Variants in APC2 observed in about 807,000 individuals in gnomAD.
APC2 encodes the protein adenomatous polyposis coli protein 2.
Under a neutral mutation model 72.5 loss-of-function variants are expected in APC2, and 41 were observed. The ratio of observed to expected loss-of-function variants is 0.57; its 90% CI spans 0.44 to 0.73. The LOEUF (loss-of-function observed/expected upper bound fraction) is 0.73, where lower values mean the gene tolerates loss of function less well. Ranked by LOEUF, APC2 falls within the 30% of genes least tolerant of loss-of-function variation. The pLI is 0.00. For synonymous variants in APC2, 1,898 were observed against 1,612.0 expected (o/e 1.18, Z -4.25); for missense variants, 3,729 against 3,403.4 (o/e 1.10, Z -2.38).
rs767618250 is a variant in APC2 at position 1,468,298 on chromosome 19, G to A, written c.4997G>A (p.Arg1666Gln). 3.2e-6 allele frequency: 5 copies of A among 1,541,100 alleles called. No homozygotes were observed. In the Admixed American group the frequency reaches 7.8e-5, roughly 24 times the overall value. The change falls in exon 15 of 15, where the codon CGG becomes CAG. Residue 1666 changes from arginine to glutamine, a missense_variant. Physicochemically the swap from Arg to Gln is conservative, Grantham distance 43. Transcript: ENST00000590469. Reference protein sequence around the residue: ...RLDERPAEGSRERGEEAAGSD... With the variant: ...RLDERPAEGSQERGEEAAGSD... ...GATGAGCGGCCCGCAGAGGGGTCCC[G>A]GGAACGCGGCGAGGAGGCAGCGGGC...
Position 1,469,928 on chromosome 19 carries a change from G to C in APC2, c.6627G>C (p.Leu2209=). 6.6e-7 allele frequency: 1 copy of C among 1,515,996 alleles called. No homozygotes were observed. The highest frequency in any genetic ancestry group is 8.8e-7 in the Non-Finnish European group (1 of 1,138,482). The allele number at this position is 1,515,996 out of a possible 1,614,324, so 93.9% of individuals were successfully genotyped here. The change falls in exon 15 of 15, where the codon CTG becomes CTC. Residue 2209 remains leucine (L), a synonymous_variant. Transcript: ENST00000590469. The part of the protein sequence containing the change: ...PKTNSSTSPS[L]ETREPPGAPA... ...CCAACTCCAGCACGTCCCCGAGCCT[G>C]GAGACCAGGGAGCCCCCCGGGGCCC...
intron 9 of APC2, 67 bp from the exon 10 acceptor site, chr19:1,457,898 G>GGGGGGGGGCC: frequency 7.0e-7 from 1 of 1,432,322 alleles, no homozygotes; most frequent in Non-Finnish European, 9.4e-7. Context: ...CGGGTTGCGG[G>GGGGGGGGGCC]ACCTTCGGGA....
In APC2 at chr19:1,466,967, T is replaced by C; in HGVS notation, c.3666T>C (p.Gly1222=). 3.1e-6 allele frequency: 5 copies of C among 1,605,388 alleles called. No homozygotes were observed. Among genetic ancestry groups the C allele is most frequent in the Non-Finnish European group, 4.2e-6 (5 of 1,176,624 alleles). Residue 1222 remains glycine (G), a synonymous_variant, in exon 15 of 15, where the codon GGT becomes GGC. Transcript: ENST00000590469. ...CACCGCTGGCGCCCGCGCCACAGGGTCCCCCCGAGGCCACCCAGTTCAGCC... is the reference window on the plus strand; with the variant it reads ...CACCGCTGGCGCCCGCGCCACAGGGCCCCCCCGAGGCCACCCAGTTCAGCC... ...KTPPLAPAPQ[G]PPEATQFSLQ...
In APC2 at chr19:1,468,652, T is replaced by A; in HGVS notation, c.5351T>A (p.Val1784Glu). 1 of 1,588,166 alleles carries A rather than the reference T, an allele frequency of 6.3e-7. No homozygotes were observed. The highest frequency in any genetic ancestry group is 8.6e-7 in the Non-Finnish European group (1 of 1,165,930). ...PRGTQKTTPG[V>E]PAVLRGRTVI... ...GGCACACAGAAGACCACGCCCGGGGTGCCAGCTGTGCTCCGGGGACGAACA... is the reference window on the plus strand; with the variant it reads ...GGCACACAGAAGACCACGCCCGGGGAGCCAGCTGTGCTCCGGGGACGAACA... Residue 1784 changes from valine (V) to glutamate (E), a missense_variant, in exon 15 of 15, where the codon GTG becomes GAG. Coordinates refer to ENST00000590469, the MANE Select transcript of APC2 (RefSeq NM_005883.3).
chr19:1,456,446 G>C (rs1267343590), intron 8 of APC2, 42 bp downstream of exon 8: 1 of 1,525,186 alleles, frequency 6.6e-7, no homozygotes, highest in South Asian at 1.2e-5. Flanking sequence ...AGCTGTCTGG[G>C]CTGGAAGGGG....
Position 1,468,206 on chromosome 19 carries a change from G to C in APC2, c.4905G>C (p.Ser1635=), listed in dbSNP as rs999011815. The part of the protein sequence containing the change: ...AEELLQRCIS[S]ALPRRRPPVS... ...AGCTTCTGCAGCGGTGCATCAGCTCGGCCCTGCCCAGGCGCCGGCCCCCCG... is the reference window on the plus strand; with the variant it reads ...AGCTTCTGCAGCGGTGCATCAGCTCCGCCCTGCCCAGGCGCCGGCCCCCCG... Residue 1635 remains serine (S), a synonymous_variant, in exon 15 of 15, where the codon TCG becomes TCC. Coordinates refer to ENST00000590469, the MANE Select transcript of APC2 (RefSeq NM_005883.3). 5 of 1,465,176 alleles carry C rather than the reference G, an allele frequency of 3.4e-6. No individual in the cohort carries two copies. Among genetic ancestry groups the C allele is most frequent in the East Asian group, 2.8e-5 (1 of 36,320 alleles). 90.8% of individuals were successfully genotyped at this position (1,465,176 alleles called of 1,614,324 possible).
Position 1,465,571 on chromosome 19 carries a change from C to T in APC2, c.2270C>T (p.Pro757Leu), listed in dbSNP as rs1434384057. 6.4e-7 allele frequency: 1 copy of T among 1,556,836 alleles called. No individual in the cohort carries two copies. Among genetic ancestry groups the T allele is most frequent in the African/African-American group, 1.4e-5 (1 of 72,744 alleles). The change falls in exon 15 of 15, where the codon CCG becomes CTG. Residue 757 changes from proline to leucine, a missense_variant. Pro to Leu is a moderately conservative substitution (Grantham distance 98, BLOSUM62 -3). Coordinates refer to ENST00000590469, the MANE Select transcript of APC2 (RefSeq NM_005883.3). The part of the protein sequence containing the change: ...PPAAEAATKK[P>L]LPPLRHLDGL... The stretch of plus-strand genomic sequence containing the variant: ...GCAGCCGAGGCCGCCACTAAGAAGC[C>T]GCTGCCGCCCCTGCGACACCTGGAC...
Position 1,469,145 on chromosome 19 carries a change from C to A in APC2, c.5844C>A (p.Val1948=). Residue 1948 remains valine (V), a synonymous_variant, in exon 15 of 15, where the codon GTC becomes GTA. Transcript: ENST00000590469. Reference sequence around the variant, plus strand: ...GGCCGCCACCGCTGGCTCGGGCAGTCCCGGAGCCGGGCCCCAGGGGCCGGG... The same window carrying A: ...GGCCGCCACCGCTGGCTCGGGCAGTACCGGAGCCGGGCCCCAGGGGCCGGG... The part of the protein sequence containing the change: ...RRGPPPLARA[V]PEPGPRGRAG... The A allele has an allele frequency of 7.7e-7, 1 of 1,292,570 alleles. No homozygotes were observed. Among genetic ancestry groups the A allele is most frequent in the Non-Finnish European group, 9.8e-7 (1 of 1,019,264 alleles). The allele number at this position is 1,292,570 out of a possible 1,614,324, so 80.1% of individuals were successfully genotyped here.
chr19:1,450,473 A>T (rs2083730430), intron 1 of APC2, 135 bp downstream of exon 1: 1 of 726,084 alleles, frequency 1.4e-6, no homozygotes, highest in South Asian at 6.2e-5. Flanking sequence ...TGGAGGGGAA[A>T]CTGAGTCCCG....
chr19:1,455,413 G>A lies in APC2; in HGVS notation c.552G>A (p.Arg184=). 1 of 1,608,982 alleles carries A rather than the reference G, an allele frequency of 6.2e-7. No homozygotes were observed. ...TQFSMQMDLI[R]QQLEFEAQHI... ...TCTCGATGCAGATGGACCTGATCCG[G>A]CAGCAGCTTGAGTTCGAGGCCCAGC... Residue 184 remains arginine, a synonymous_variant, in exon 6 of 15, where the codon CGG becomes CGA. Transcript: ENST00000590469.
rs968077711 is a variant in APC2 at position 1,470,355 on chromosome 19, G to A, written c.*142G>A. On this transcript the variant is annotated 3_prime_UTR_variant, in exon 15 of 15. Transcript: ENST00000590469. The stretch of plus-strand genomic sequence containing the variant: ...GAGCCCCACCACTCTCAGAACCCCC[G>A]CCCAGCGCACGGCGACCTCGCGCCT... The A allele has an allele frequency of 4.1e-6, 5 of 1,214,904 alleles. No homozygotes were observed. The highest frequency in any genetic ancestry group is 1.6e-5 in the African/African-American group (1 of 62,156). The allele number at this position is 1,214,904 out of a possible 1,614,324, so 75.3% of individuals were successfully genotyped here.
rs2083727208 is a variant in APC2 at position 1,450,228 on chromosome 19, G to T, written c.-129G>T. 7 of 985,246 alleles carry T rather than the reference G, an allele frequency of 7.1e-6. No homozygotes were observed. The South Asian group carries it at 3.3e-4, about 46-fold the overall frequency. 61.0% of individuals were successfully genotyped at this position (985,246 alleles called of 1,614,324 possible). A position where few individuals can be genotyped will look rare whatever the true frequency, so the allele number is the denominator to read the frequency against. On this transcript the variant is annotated 5_prime_UTR_variant, in exon 1 of 15. Transcript: ENST00000590469. ...CCGCGCCGCGGAGACCCCGGAGCCC[G>T]CGCGCTCCGAGGCCACCCCGGGCCG...
chr19:1,464,632 CTTTT>C (rs1010096440), intron 14 of APC2, among the ~76,000 whole-genome samples: 11 of 123,692 alleles, frequency 8.9e-5, no homozygotes, highest in South Asian at 2.6e-4. Context: ...CTGTTTTTTC[CTTTT>C]TTTTTTTTTT....
intron 4 of APC2, among the ~76,000 whole-genome samples, chr19:1,454,866 C>T (rs1292859919): frequency 5.3e-5 from 8 of 152,074 alleles, no homozygotes; most frequent in Admixed American, 5.2e-4. Context: ...CGCGCCCGGC[C>T]GGCTATTTTT....
intron 10 of APC2, 32 bp downstream of exon 10, chr19:1,458,092 C>T (rs757809712): frequency 5.8e-6 from 9 of 1,538,864 alleles, no homozygotes; most frequent in Non-Finnish European, 7.9e-6. Context: ...GGAAGCCATC[C>T]TCCAGCCCCC....
chr19:1,469,681 G>T lies in APC2; in HGVS notation c.6380G>T (p.Arg2127Leu). The change falls in exon 15 of 15, where the codon CGC becomes CTC. Residue 2127 changes from arginine to leucine, a missense_variant. Arg to Leu is a moderately radical substitution (Grantham distance 102). Coordinates refer to ENST00000590469, the MANE Select transcript of APC2 (RefSeq NM_005883.3). Reference protein sequence around the residue: ...AAPASADAARRSSDGEPRPLP... With the variant: ...AAPASADAARLSSDGEPRPLP... ...CCTGCCTCAGCCGACGCCGCGCGCC[G>T]CAGCAGCGACGGGGAGCCCCGGCCG... 1 of 1,311,274 alleles carries T rather than the reference G, an allele frequency of 7.6e-7. No homozygotes were observed. The highest frequency in any genetic ancestry group is 9.6e-7 in the Non-Finnish European group (1 of 1,036,442). 81.2% of individuals were successfully genotyped at this position (1,311,274 alleles called of 1,614,324 possible).
upstream of APC2, among the ~76,000 whole-genome samples, chr19:1,449,865 G>A (rs1168092896): frequency 1.3e-5 from 2 of 152,216 alleles, no homozygotes; most frequent in Non-Finnish European, 2.9e-5. Context: ...AGACGCAGGA[G>A]GTTTTAAGAG....
Position 1,461,164 on chromosome 19 carries a change from G to A in APC2, c.1638+11G>A, listed in dbSNP as rs201587463. 113 of 1,604,520 alleles carry A rather than the reference G, an allele frequency of 7.0e-5. No homozygotes were observed. The highest frequency in any genetic ancestry group is 3.1e-4 in the African/African-American group (23 of 74,982). ...CTGCGGGCCACCAAGGTGGGCACCCGGTGGGCGGCAGGGATGCTTCTTCAG... is the reference window on the plus strand; with the variant it reads ...CTGCGGGCCACCAAGGTGGGCACCCAGTGGGCGGCAGGGATGCTTCTTCAG... On this transcript the variant is annotated intron_variant, in intron 13 of 14. Transcript: ENST00000590469.
intron 5 of APC2, 25 bp downstream of exon 5, chr19:1,455,282 G>C (rs745764289): frequency 6.4e-7 from 1 of 1,565,050 alleles, no homozygotes; most frequent in East Asian, 2.4e-5. Context: ...GAGCCAGGGG[G>C]CAGCGCGCCC....
Sources: gnomAD v4.1 joint callset for allele counts (sites outside exome capture counted in the v4.1 genomes callset) on GRCh38, gnomAD v4.1.1 for gene constraint, MANE v1.5 for transcripts, NCBI Gene and HGNC (gene_info 2026-07-23, HGNC 2026-07-21) for gene names.